ITGA11: variants seen among roughly 807,000 people sequenced by gnomAD.
The protein encoded by ITGA11 is integrin subunit alpha 11.
ITGA11 carries 97 observed loss-of-function variants against 141.9 expected under a neutral mutation model. The ratio of observed to expected loss-of-function variants is 0.68; its 90% CI spans 0.58 to 0.81. The LOEUF is 0.81. Among genes scored for constraint, ITGA11 ranks in the 30% least tolerant of loss-of-function variants. The probability of loss-of-function intolerance (pLI) is 0.00; values close to 1 mark genes in which losing one functional copy is unlikely to be tolerated. For missense variants in ITGA11, 1,387 were observed against 1,559.2 expected (o/e 0.89, Z 1.86); for synonymous variants, 658 against 624.6 (o/e 1.05, Z -0.80).
At chr15:68,339,666 A>G (rs761698553) in intron 10 of ITGA11, 22 bp from the exon 11 acceptor site, 4 of 1,613,530 alleles carry the variant, frequency 2.5e-6, no homozygotes, top group Admixed American at 1.7e-5. Flanking sequence ...GAGGGGACAC[A>G]CATCAGCACC....
chr15:68,362,079 C>G (rs947703092), intron 4 of ITGA11: 15 of 170,308 alleles, frequency 8.8e-5, no homozygotes, highest in African/African-American at 3.6e-4. Flanking sequence ...TCAAGGGTCA[C>G]TAGAATAACT....
At chr15:68,431,111 C>A (rs1485827219) in intron 1 of ITGA11, among the ~76,000 whole-genome samples, 1 of 152,226 alleles carries the variant, frequency 6.6e-6, no homozygotes, top group African/African-American at 2.4e-5. Context: ...CACTGGCAGC[C>A]GCCCCGCGTG....
At chr15:68,317,463 C>A (rs924117817) in intron 20 of ITGA11, 100 bp from the exon 21 acceptor site, 16 of 817,040 alleles carry the variant, frequency 2.0e-5, no homozygotes, top group Admixed American at 5.4e-5. Flanking sequence ...TCTGCAGGGG[C>A]CGCCTCAGCC....
At chr15:68,337,450 G>A (rs930142603) in intron 11 of ITGA11, among the ~76,000 whole-genome samples, 1 of 152,162 alleles carries the variant, frequency 6.6e-6, no homozygotes, top group Admixed American at 6.5e-5. Context: ...AACACAGGAG[G>A]AATCTTCCAG....
chr15:68,303,946 G>T lies in ITGA11; in HGVS notation c.3382-61C>A. 9.2e-7 allele frequency: 1 copy of T among 1,091,588 alleles called. No homozygotes were observed. The highest frequency in any genetic ancestry group is 1.3e-5 in the South Asian group (1 of 75,430). 67.6% of individuals were successfully genotyped at this position (1,091,588 alleles called of 1,614,324 possible). On this transcript the variant is annotated intron_variant, in intron 28 of 29. Coordinates refer to ENST00000315757, the MANE Select transcript of ITGA11 (RefSeq NM_001004439.2). The surrounding 1 kb of genome is among the most constrained non-coding windows in gnomAD (Gnocchi z 5.3). ...TCTTCTGGGGCTGGGGTGGCAGTCT[G>T]GGAGGGGCAGGAGGGTGGAGACAGC...
chr15:68,403,535 T>C (rs1168895819), intron 1 of ITGA11, among the ~76,000 whole-genome samples: 1 of 152,210 alleles, frequency 6.6e-6, no homozygotes, highest in African/African-American at 2.4e-5. Context: ...GGAAGCTCCC[T>C]GAGGCCCTCA....
intron 1 of ITGA11, among the ~76,000 whole-genome samples, chr15:68,405,805 T>C (rs1238629142): frequency 2.0e-5 from 3 of 151,948 alleles, no homozygotes; most frequent in Non-Finnish European, 2.9e-5. Flanking sequence ...GAAGGAGTGT[T>C]GCAGTGGCAG....
intron 1 of ITGA11, among the ~76,000 whole-genome samples, chr15:68,429,680 G>C (rs889008114): frequency 4.6e-5 from 7 of 152,188 alleles, no homozygotes; most frequent in African/African-American, 1.7e-4. Context: ...CATCAGTCCT[G>C]TCCTGGAGCC....
chr15:68,413,780 T>A (rs1363343996), intron 1 of ITGA11, among the ~76,000 whole-genome samples: 1 of 152,156 alleles, frequency 6.6e-6, no homozygotes, highest in Non-Finnish European at 1.5e-5. Context: ...GCAAACAATT[T>A]AGAATTGGAA....
intron 10 of ITGA11, among the ~76,000 whole-genome samples, chr15:68,342,997 T>TTCTCTCTCTCTCTC (rs6145615): frequency 8.7e-4 from 126 of 144,024 alleles, no homozygotes; most frequent in Middle Eastern, 3.6e-3. Flanking sequence ...GGGCAAGTTC[T>TTCTCTCTCTCTCTC]TCTCTCTCTC....
At chr15:68,401,247 T>C (rs183077569) in intron 2 of ITGA11, among the ~76,000 whole-genome samples, 35 of 151,992 alleles carry the variant, frequency 2.3e-4, no homozygotes, top group Admixed American at 1.9e-3. Context: ...AAGGCTCTTG[T>C]TTTACTAGAG....
chr15:68,341,237 C>T (rs986020877), intron 10 of ITGA11, among the ~76,000 whole-genome samples: 6 of 152,188 alleles, frequency 3.9e-5, no homozygotes, highest in East Asian at 1.9e-4. Context: ...ACTCTGTGCT[C>T]GAGCCTCAGC....
intron 1 of ITGA11, among the ~76,000 whole-genome samples, chr15:68,407,384 A>T (rs1896673471): frequency 6.6e-6 from 1 of 152,216 alleles, no homozygotes; most frequent in African/African-American, 2.4e-5. Context: ...CGAACCAACC[A>T]GAGAGTGGAT....
intron 20 of ITGA11, among the ~76,000 whole-genome samples, chr15:68,317,886 T>C (rs980465791): frequency 7.9e-5 from 12 of 152,158 alleles, no homozygotes; most frequent in Admixed American, 6.5e-4. Context: ...TGAGCATGTG[T>C]CTGTGGAGAC....
At chr15:68,330,730 T>A (rs1186988594) in intron 15 of ITGA11, among the ~76,000 whole-genome samples, 1 of 152,162 alleles carries the variant, frequency 6.6e-6, no homozygotes, top group African/African-American at 2.4e-5. Context: ...GTGGAAGACA[T>A]GCTTGAGTAG....
At chr15:68,315,490 C>T (rs753447126) in intron 22 of ITGA11, among the ~76,000 whole-genome samples, 161 bp downstream of exon 22, 31 of 152,182 alleles carry the variant, frequency 2.0e-4, no homozygotes, top group Non-Finnish European at 3.7e-4. Flanking sequence ...CAACGGATGC[C>T]GGCCCACCTC....
intron 2 of ITGA11, among the ~76,000 whole-genome samples, chr15:68,378,397 C>A (rs188257785): frequency 6.6e-6 from 1 of 152,150 alleles, no homozygotes; most frequent in African/African-American, 2.4e-5. Context: ...ATAATCCCAG[C>A]TACTAGGGAA....
At chr15:68,360,654 C>A (rs1895213243) in intron 5 of ITGA11, among the ~76,000 whole-genome samples, 1 of 152,190 alleles carries the variant, frequency 6.6e-6, no homozygotes, top group Admixed American at 6.5e-5. Flanking sequence ...CACATCTAGG[C>A]CTGGAGGGAC....
In ITGA11 at chr15:68,303,196, C is replaced by T. The variant is rs551824595; in HGVS notation, c.3496-66G>A. On this transcript the variant is annotated intron_variant, in intron 29 of 29. Coordinates refer to ENST00000315757, the MANE Select transcript of ITGA11 (RefSeq NM_001004439.2). The surrounding 1 kb of genome is among the most constrained non-coding windows in gnomAD (Gnocchi z 5.3). ...GTGGGCAAGGCCTGCCCCAGCTTTC[C>T]CTCCACTACCTTTCCTTGGGATTCC... The T allele has an allele frequency of 1.5e-6, 2 of 1,344,052 alleles. No individual in the cohort carries two copies. Among genetic ancestry groups the T allele is most frequent in the Admixed American group, 4.4e-5 (2 of 45,260 alleles). 83.3% of individuals were successfully genotyped at this position (1,344,052 alleles called of 1,614,324 possible). A position where few individuals can be genotyped will look rare whatever the true frequency, so the allele number is the denominator to read the frequency against.
Sources: allele counts gnomAD v4.1 joint callset (sites outside exome capture counted in the v4.1 genomes callset), GRCh38; gene constraint gnomAD v4.1.1; non-coding constraint Gnocchi (gnomAD v3.1); transcripts MANE v1.5; gene names NCBI Gene and HGNC (gene_info 2026-07-23, HGNC 2026-07-21).